Variants in MTMR10 observed in about 807,000 individuals in gnomAD.
MTMR10 encodes the protein myotubularin related protein 10.
In MTMR10, 56 loss-of-function variants were observed where a neutral mutation model predicts 88.1. The observed-to-expected ratio is 0.64, with a 90% CI of 0.51 to 0.79. MTMR10 has a LOEUF of 0.79. MTMR10 is among the 30% of genes least tolerant of loss of function. The pLI is 0.00. For synonymous variants in MTMR10, 380 were observed against 340.9 expected, an observed-to-expected ratio of 1.11 and a Z score of -1.26; for missense variants, 883 against 924.7, an observed-to-expected ratio of 0.95 and a Z score of 0.58.
At chr15:30,924,280 C>T in the MTMR10 span, among the ~76,000 whole-genome samples, 2 of 152,166 alleles carry the variant, frequency 1.3e-5, no homozygotes, top group African/African-American at 2.4e-5. Context: ...TCCACCTTTT[C>T]GGCCATTTTG....
rs781633270 is a variant in MTMR10, at chr15:30,991,546, G to C, written c.-40C>G. The C allele has an allele frequency of 7.9e-5, 121 of 1,531,356 alleles. No homozygotes were observed. The highest frequency in any genetic ancestry group is 9.8e-5 in the Non-Finnish European group (112 of 1,147,462). The allele number at this position is 1,531,356 out of a possible 1,614,324, so 94.9% of individuals were successfully genotyped here. On this transcript the variant is annotated 5_prime_UTR_variant, in exon 1 of 16. Transcript: ENST00000435680. ...TTCGCCCCGTTCCCGTCGCGGGCCA[G>C]TGGCAGCGCCGACGCCTCCGGGCGT... is the stretch of plus-strand genomic sequence containing the variant.
In MTMR10 at chr15:30,941,866, C is replaced by G. The variant is rs770488632; in HGVS notation, c.1938G>C (p.Leu646=). ...TTATGTGTGTTCCAGAGACACGTGG[C>G]AGAATAACACCGTGCAGGTTGGCGG... ...SKPANLHGVI[L]PRVSGTHIKL... Residue 646 remains leucine (L), a synonymous_variant, in exon 16 of 16, where the codon CTG becomes CTC. Coordinates refer to ENST00000435680, the MANE Select transcript of MTMR10 (RefSeq NM_017762.3). 6.8e-6 allele frequency: 11 copies of G among 1,613,922 alleles called. No homozygotes were observed. Among genetic ancestry groups the G allele is most frequent in the Non-Finnish European group, 9.3e-6 (11 of 1,179,910 alleles).
At chr15:30,924,753 G>A in the MTMR10 span, among the ~76,000 whole-genome samples, 1 of 151,766 alleles carries the variant, frequency 6.6e-6, no homozygotes, top group African/African-American at 2.4e-5. Flanking sequence ...TGTGGATCCG[G>A]GGTGGGACAC....
At chr15:30,944,052 A>G in intron 14 of MTMR10, 1 of 972,458 alleles carries the variant, frequency 1.0e-6, no homozygotes, top group Non-Finnish European at 1.2e-6. Context: ...TTATTTGGAA[A>G]TTATTAAAAA....
chr15:30,960,315 G>A (rs1345655269), intron 7 of MTMR10, among the ~76,000 whole-genome samples: 2 of 152,178 alleles, frequency 1.3e-5, no homozygotes, highest in East Asian at 3.9e-4. Context: ...TGACTCCACA[G>A]GAGAACACAG....
downstream of MTMR10, among the ~76,000 whole-genome samples, chr15:30,938,120 C>T (rs1307968011): frequency 6.6e-6 from 1 of 151,464 alleles, no homozygotes; most frequent in Non-Finnish European, 1.5e-5. Context: ...GGAGGTGGAG[C>T]TTGCAGTGAG....
chr15:30,924,168 A>C, the MTMR10 span, among the ~76,000 whole-genome samples: 89 of 152,324 alleles, frequency 5.8e-4, no homozygotes, highest in Non-Finnish European at 1.1e-3. Context: ...ATCGTGGCAC[A>C]TGTCAGGACT....
Position 30,968,025 on chromosome 15 carries a change from A to G in MTMR10, c.475-15T>C. ...GCAAGGCATACCTAGGAAAAATTCT[A>G]CATTTAGAATTTGATTTTAACACAC... On this transcript the variant is annotated splice_polypyrimidine_tract_variant and intron_variant, in intron 5 of 15. Transcript: ENST00000435680. 6.6e-7 allele frequency: 1 copy of G among 1,526,502 alleles called. No homozygotes were observed. Among genetic ancestry groups the G allele is most frequent in the Non-Finnish European group, 8.9e-7 (1 of 1,124,502 alleles). 94.6% of individuals were successfully genotyped at this position (1,526,502 alleles called of 1,614,324 possible).
rs181476201 is a variant in MTMR10 at position 30,941,298 on chromosome 15, T to C, written c.*172A>G. On this transcript the variant is annotated 3_prime_UTR_variant, in exon 16 of 16. Coordinates refer to ENST00000435680, the MANE Select transcript of MTMR10 (RefSeq NM_017762.3). ...ACAGGAACAAAATTTACATCTCTCT[T>C]AAAATAAGTGTGAAAGAAGCATGAT... 3.2e-5 allele frequency: 49 copies of C among 1,517,532 alleles called. No homozygotes were observed. In the African/African-American group the frequency reaches 5.4e-4, roughly 17 times the overall value. The allele number at this position is 1,517,532 out of a possible 1,614,324, so 94.0% of individuals were successfully genotyped here. A position where few individuals can be genotyped will look rare whatever the true frequency, so the allele number is the denominator to read the frequency against.
chr15:30,925,799 C>T, the MTMR10 span: 2 of 1,614,042 alleles, frequency 1.2e-6, no homozygotes, highest in Non-Finnish European at 1.7e-6. Context: ...GTGACCATCA[C>T]AGGCAGGCTG....
intron 2 of MTMR10, among the ~76,000 whole-genome samples, chr15:30,977,743 AG>A (rs1327806538): frequency 6.6e-6 from 1 of 152,236 alleles, no homozygotes; most frequent in East Asian, 1.9e-4. Context: ...TTAGCCCGAT[AG>A]AATGTTTGCT....
the MTMR10 span, chr15:30,930,686 A>T: frequency 1.2e-6 from 2 of 1,612,322 alleles, no homozygotes; most frequent in South Asian, 2.2e-5. Flanking sequence ...GTTGAGGCAG[A>T]ATGGAAAGTC....
chr15:30,960,903 C>T lies in MTMR10; in HGVS notation c.736G>A (p.Glu246Lys), dbSNP rs145196436. 4.1e-4 allele frequency: 656 copies of T among 1,611,050 alleles called. 1 individual carries two copies. Among genetic ancestry groups the T allele is most frequent in the East Asian group, 5.4e-4 (24 of 44,820 alleles). Residue 246 changes from glutamate to lysine, a missense_variant, in exon 7 of 16, where the codon GAG becomes AAG. Around this residue, in one of 3 missense-constraint regions of MTMR10, gnomAD observed 414 missense variants for 423.2 expected, o/e 0.98. Transcript: ENST00000435680. ...TACCAAGTGGATATCATGTAACCCT[C>T]GTTAATAGAACAAACTCTCCACCCG... ...ASGWRVCSINEGYMISTCLPE... is the reference protein window; with the variant it reads ...ASGWRVCSINKGYMISTCLPE...
chr15:30,985,066 T>C (rs779837415), intron 2 of MTMR10, among the ~76,000 whole-genome samples: 2 of 152,198 alleles, frequency 1.3e-5, no homozygotes, highest in African/African-American at 2.4e-5. Context: ...AACAAATTCA[T>C]TATCGTTAGT....
chr15:30,956,755 T>A (rs2063333188), intron 9 of MTMR10, among the ~76,000 whole-genome samples: 1 of 152,230 alleles, frequency 6.6e-6, no homozygotes, highest in Non-Finnish European at 1.5e-5. Context: ...TTCAGCTTAA[T>A]AAATCACTGA....
chr15:30,922,826 G>A, the MTMR10 span, among the ~76,000 whole-genome samples: 1 of 152,230 alleles, frequency 6.6e-6, no homozygotes, highest in East Asian at 1.9e-4. Context: ...CTTCTGTGAG[G>A]TGTTTTGCTC....
intron 7 of MTMR10, among the ~76,000 whole-genome samples, chr15:30,960,029 G>A (rs2141021733): frequency 6.6e-6 from 1 of 152,288 alleles, no homozygotes; most frequent in Middle Eastern, 3.4e-3. Context: ...TGCTTTTCTT[G>A]TACGAACTGT....
intron 6 of MTMR10, among the ~76,000 whole-genome samples, chr15:30,964,063 T>A (rs1024859565): frequency 2.6e-5 from 4 of 151,350 alleles, no homozygotes; most frequent in African/African-American, 9.7e-5. Flanking sequence ...GGAATTTCCT[T>A]AACTGGATAG....
At chr15:30,936,791 A>T (rs1241825148), downstream of MTMR10, among the ~76,000 whole-genome samples, 1 of 152,208 alleles carries the variant, frequency 6.6e-6, no homozygotes, top group Admixed American at 6.5e-5. Flanking sequence ...CAAACCGTAG[A>T]GTACTGGTTA....
Sources: gnomAD v4.1 joint callset for allele counts (sites outside exome capture counted in the v4.1 genomes callset) on GRCh38, gnomAD v4.1.1 for gene constraint, gnomAD v4.1.1 regional missense constraint, MANE v1.5 for transcripts, NCBI Gene and HGNC (gene_info 2026-07-23, HGNC 2026-07-21) for gene names.